Variants in CSMD1 observed in about 807,000 individuals in gnomAD.
CSMD1 encodes the protein CUB and Sushi multiple domains 1, also known as CUB and sushi domain-containing protein 1.
In CSMD1, 213 loss-of-function variants were observed where a neutral mutation model predicts 417.5. That is an observed-to-expected ratio of 0.51 (90% confidence interval 0.46 to 0.57). CSMD1 has a LOEUF of 0.57. Ranked by LOEUF, CSMD1 falls within the 20% of genes least tolerant of loss-of-function variation. The pLI, the probability that CSMD1 is intolerant of heterozygous loss-of-function variation, is 0.00. For synonymous variants in CSMD1, 2,862 were observed against 1,736.8 expected, an observed-to-expected ratio of 1.65 and a Z score of -16.11; for missense variants, 6,923 against 4,529.7, an observed-to-expected ratio of 1.53 and a Z score of -15.17.
intron 7 of CSMD1, among the ~76,000 whole-genome samples, 162 bp from the exon 8 acceptor site, chr8:3,616,959 A>G (rs1417768324): frequency 1.4e-5 from 2 of 147,114 alleles, no homozygotes; most frequent in Non-Finnish European, 3.0e-5. Flanking sequence ...AAGTGTTTAT[A>G]TTCTGATTGG....
At chr8:4,385,767 T>C (rs559334036) in intron 3 of CSMD1, among the ~76,000 whole-genome samples, 5 of 152,282 alleles carry the variant, frequency 3.3e-5, no homozygotes, top group African/African-American at 9.6e-5. Flanking sequence ...TTCATGTCGA[T>C]TGTAATGGTT....
At chr8:3,582,436 A>C (rs1304981550) in intron 9 of CSMD1, among the ~76,000 whole-genome samples, 1 of 152,222 alleles carries the variant, frequency 6.6e-6, no homozygotes, top group Non-Finnish European at 1.5e-5. Flanking sequence ...TTAATTGAAG[A>C]AAGAGTGTTC....
At chr8:4,110,915 T>G (rs1243278628) in intron 3 of CSMD1, among the ~76,000 whole-genome samples, 1 of 152,142 alleles carries the variant, frequency 6.6e-6, no homozygotes, top group East Asian at 1.9e-4. Context: ...AGTGAGACAA[T>G]GACATTCTAG....
At chr8:4,465,610 T>C (rs1800119075) in intron 2 of CSMD1, among the ~76,000 whole-genome samples, 1 of 152,112 alleles carries the variant, frequency 6.6e-6, no homozygotes, top group Admixed American at 6.5e-5. Context: ...ACGTTGAGGA[T>C]TATTAAGTTA....
chr8:4,451,899 C>G (rs1242038844), intron 2 of CSMD1, among the ~76,000 whole-genome samples: 2 of 150,774 alleles, frequency 1.3e-5, no homozygotes, highest in African/African-American at 4.9e-5. Context: ...TTCTTCCACA[C>G]TAAAATGATA....
intron 2 of CSMD1, among the ~76,000 whole-genome samples, chr8:4,577,959 A>G (rs974906514): frequency 2.6e-5 from 4 of 152,194 alleles, no homozygotes; most frequent in African/African-American, 9.6e-5. Flanking sequence ...GAAAAATGAC[A>G]TGGGTCTGGT....
At chr8:4,689,547 G>C (rs925539337) in intron 1 of CSMD1, among the ~76,000 whole-genome samples, 4 of 152,260 alleles carry the variant, frequency 2.6e-5, no homozygotes, top group South Asian at 2.1e-4. Context: ...GGATTATTAA[G>C]AATATTCAAG....
chr8:3,071,845 A>G (rs1331044926), intron 49 of CSMD1, among the ~76,000 whole-genome samples: 1 of 152,190 alleles, frequency 6.6e-6, no homozygotes. Flanking sequence ...AAACCTGTCC[A>G]GTTATGAAGG....
intron 1 of CSMD1, among the ~76,000 whole-genome samples, chr8:4,781,372 C>G (rs554441896): frequency 6.6e-6 from 1 of 152,216 alleles, no homozygotes; most frequent in Non-Finnish European, 1.5e-5. Flanking sequence ...CTAGATCACT[C>G]TCTTCTCTAT....
At chr8:3,646,652 G>A (rs1797585656) in intron 7 of CSMD1, among the ~76,000 whole-genome samples, 3 of 152,282 alleles carry the variant, frequency 2.0e-5, no homozygotes, top group South Asian at 4.1e-4. Context: ...CCAAAGCCGT[G>A]CTCAGAGGGC....
chr8:4,934,471 C>A (rs558684363), intron 1 of CSMD1, among the ~76,000 whole-genome samples: 1 of 152,150 alleles, frequency 6.6e-6, no homozygotes, highest in African/African-American at 2.4e-5. Flanking sequence ...CAACACTCCA[C>A]TGAGTTATAG....
chr8:3,304,759 C>CAA (rs1804694196), intron 25 of CSMD1, among the ~76,000 whole-genome samples: 1 of 151,246 alleles, frequency 6.6e-6, no homozygotes, highest in Non-Finnish European at 1.5e-5. Flanking sequence ...AAAATGTTAA[C>CAA]AAAGTATTAG....
intron 10 of CSMD1, among the ~76,000 whole-genome samples, chr8:3,520,149 G>A (rs946597670): frequency 3.3e-5 from 5 of 151,732 alleles, no homozygotes; most frequent in Non-Finnish European, 1.5e-5. Flanking sequence ...GAGAATTACT[G>A]TTAAGAAACC....
chr8:3,241,225 G>A (rs1004931322), intron 26 of CSMD1, among the ~76,000 whole-genome samples: 5 of 151,218 alleles, frequency 3.3e-5, no homozygotes, highest in African/African-American at 1.2e-4. Flanking sequence ...AACTAAAAAG[G>A]AGTGCTTAAA....
At chr8:3,136,134 C>G (rs138173003) in intron 41 of CSMD1, among the ~76,000 whole-genome samples, 1 of 152,088 alleles carries the variant, frequency 6.6e-6, no homozygotes, top group Non-Finnish European at 1.5e-5. Context: ...TAATTGATGG[C>G]TCATCTATGG....
chr8:3,075,871 C>A (rs1813630036), intron 49 of CSMD1, among the ~76,000 whole-genome samples: 1 of 147,924 alleles, frequency 6.8e-6, no homozygotes, highest in African/African-American at 2.5e-5. Flanking sequence ...GAAACACTGT[C>A]TCTACTAAAA....
At chr8:4,102,520 G>A (rs556902406) in intron 3 of CSMD1, among the ~76,000 whole-genome samples, 2 of 152,248 alleles carry the variant, frequency 1.3e-5, no homozygotes, top group Non-Finnish European at 2.9e-5. Context: ...TAGCGACAAT[G>A]GGGAGGCTTA....
chr8:3,505,494 G>C (rs1490113360), intron 10 of CSMD1, among the ~76,000 whole-genome samples: 2 of 152,164 alleles, frequency 1.3e-5, no homozygotes, highest in Admixed American at 1.3e-4. Context: ...AGATAAAAGT[G>C]CTTCATTATG....
intron 49 of CSMD1, among the ~76,000 whole-genome samples, chr8:3,084,036 A>T (rs1814337622): frequency 6.6e-6 from 1 of 152,144 alleles, no homozygotes; most frequent in Admixed American, 6.5e-5. Context: ...TGTTGTTGTC[A>T]TTTCTCCTTG....
Sources: gnomAD v4.1 joint callset for allele counts (sites outside exome capture counted in the v4.1 genomes callset) on GRCh38, gnomAD v4.1.1 for gene constraint, MANE v1.5 for transcripts, NCBI Gene and HGNC (gene_info 2026-07-23, HGNC 2026-07-21) for gene names.